RAB3B: variants seen among roughly 807,000 people sequenced by gnomAD.
The protein encoded by RAB3B is RAB3B, member RAS oncogene family.
Under a neutral mutation model 20.5 loss-of-function variants are expected in RAB3B, and 11 were observed. The observed-to-expected ratio is 0.54, with a 90% CI of 0.34 to 0.89. The LOEUF (loss-of-function observed/expected upper bound fraction) is 0.89. Among genes scored for constraint, RAB3B ranks in the 40% least tolerant of loss-of-function variants. The pLI is 0.02. For synonymous variants in RAB3B, 99 were observed against 106.3 expected (o/e 0.93, Z 0.42); for missense variants, 225 against 280.9 (o/e 0.80, Z 1.42).
intron 4 of RAB3B, among the ~76,000 whole-genome samples, chr1:51,932,024 T>C (rs1684333875): frequency 6.6e-6 from 1 of 152,032 alleles, no homozygotes; most frequent in African/African-American, 2.4e-5. Context: ...AGAACCTCTG[T>C]GATAGTGTAG....
At chr1:51,957,787 G>A (rs1369921080) in intron 2 of RAB3B, among the ~76,000 whole-genome samples, 1 of 152,196 alleles carries the variant, frequency 6.6e-6, no homozygotes, top group Non-Finnish European at 1.5e-5. Context: ...GCCCAAGAAA[G>A]CAGGGCTAGG....
intron 3 of RAB3B, among the ~76,000 whole-genome samples, chr1:51,937,091 G>C (rs1684414863): frequency 6.6e-6 from 1 of 152,138 alleles, no homozygotes; most frequent in South Asian, 2.1e-4. Flanking sequence ...TGGGATTACA[G>C]GCGTGAGCCA....
rs1004912751 is a variant in RAB3B, at chr1:51,908,669, G to T, written c.*11258C>A. 1.3e-5 allele frequency: 2 copies of T among 152,024 alleles called. No homozygotes were observed. The highest frequency in any genetic ancestry group is 2.9e-5 in the Non-Finnish European group (2 of 68,050). 9.4% of individuals were successfully genotyped at this position (152,024 alleles called of 1,614,324 possible). A position where few individuals can be genotyped will look rare whatever the true frequency, so the allele number is the denominator to read the frequency against. On this transcript the variant is annotated 3_prime_UTR_variant, in exon 5 of 5. Transcript: ENST00000371655. ...AGATGTTTAGGTTTTCTCTTCAGCA[G>T]GCTTCCTCTTGTTCCCCTCTATCAC...
chr1:51,976,882 G>C lies in RAB3B; in HGVS notation c.228+8C>G, dbSNP rs368103204. 4.9e-4 allele frequency: 793 copies of C among 1,611,918 alleles called. 3 individuals carry two copies. Among genetic ancestry groups the C allele is most frequent in the Middle Eastern group, 1.6e-3 (10 of 6,062 alleles). ...AGGAAAATCCTGCCCAAGATTCCCG[G>C]GACTCACCCAGATCTGCAGTTTCAC... On this transcript the variant is annotated splice_region_variant and intron_variant, in intron 2 of 4. Transcript: ENST00000371655.
At chr1:51,947,570 C>T (rs950853473) in intron 2 of RAB3B, among the ~76,000 whole-genome samples, 3 of 152,088 alleles carry the variant, frequency 2.0e-5, no homozygotes, top group Non-Finnish European at 4.4e-5. Context: ...CAACAATCTC[C>T]CCTCCACCAG....
rs1036560613 is a variant in RAB3B, at chr1:51,913,201, T to C, written c.*6726A>G. 1 of 152,202 alleles carries C rather than the reference T, an allele frequency of 6.6e-6. No homozygotes were observed. Among genetic ancestry groups the C allele is most frequent in the Non-Finnish European group, 1.5e-5 (1 of 68,042 alleles). 9.4% of individuals were successfully genotyped at this position (152,202 alleles called of 1,614,324 possible). On this transcript the variant is annotated 3_prime_UTR_variant, in exon 5 of 5. Transcript: ENST00000371655. ...ATAGCTAAGAGGTATCCAAATGGAC[T>C]GTTTAACAAGCATCAAAACTTCTTC...
chr1:51,920,780 A>C (rs545663243), intron 4 of RAB3B, among the ~76,000 whole-genome samples: 96 of 152,192 alleles, frequency 6.3e-4, no homozygotes, highest in Non-Finnish European at 1.3e-3. Context: ...TAGGCTGGCC[A>C]GCTCTAGTCT....
intron 2 of RAB3B, among the ~76,000 whole-genome samples, chr1:51,959,284 C>T (rs1684753955): frequency 1.3e-5 from 2 of 152,062 alleles, no homozygotes; most frequent in Admixed American, 1.3e-4. Context: ...CTTTAGGAGG[C>T]CTCGGCAGGA....
chr1:51,982,524 A>C (rs1685100888), intron 1 of RAB3B, among the ~76,000 whole-genome samples: 1 of 152,078 alleles, frequency 6.6e-6, no homozygotes, highest in African/African-American at 2.4e-5. Flanking sequence ...AGGCCGAGGC[A>C]GGCAGATCAC....
intron 2 of RAB3B, among the ~76,000 whole-genome samples, chr1:51,959,657 A>G (rs1684760176): frequency 6.6e-6 from 1 of 152,204 alleles, no homozygotes; most frequent in Non-Finnish European, 1.5e-5. Flanking sequence ...AATTCAGATC[A>G]GTTGTGTTCT....
At chr1:51,942,482 C>G (rs1204679723) in intron 2 of RAB3B, among the ~76,000 whole-genome samples, 1 of 152,184 alleles carries the variant, frequency 6.6e-6, no homozygotes, top group Non-Finnish European at 1.5e-5. Flanking sequence ...GCCATATAGT[C>G]TTGAGGTTAA....
intron 2 of RAB3B, among the ~76,000 whole-genome samples, chr1:51,951,268 T>C (rs1001531977): frequency 2.6e-5 from 4 of 152,118 alleles, no homozygotes; most frequent in African/African-American, 7.2e-5. Context: ...ATGAGCATAG[T>C]ACCCAATGGG....
intron 2 of RAB3B, among the ~76,000 whole-genome samples, chr1:51,948,326 AT>A (rs1324153057): frequency 6.6e-6 from 1 of 152,218 alleles, no homozygotes; most frequent in African/African-American, 2.4e-5. Context: ...GGCCTTGACT[AT>A]TAGCAGAACA....
chr1:51,967,521 C>CTTTTTCTT (rs1684870854), intron 2 of RAB3B, among the ~76,000 whole-genome samples: 2 of 36,496 alleles, frequency 5.5e-5, no homozygotes, highest in African/African-American at 6.8e-5. Context: ...TTTTCTTTTT[C>CTTTTTCTT]TTTTTTTTTT....
chr1:51,968,043 T>C (rs1016324450), intron 2 of RAB3B, among the ~76,000 whole-genome samples: 5 of 152,116 alleles, frequency 3.3e-5, no homozygotes, highest in African/African-American at 1.2e-4. Flanking sequence ...TCAGAGAGGT[T>C]GGAAGATGTT....
rs1005447228 is a variant in RAB3B at position 51,916,274 on chromosome 1, A to G, written c.*3653T>C. The G allele has an allele frequency of 6.6e-6, 1 of 152,206 alleles. No individual in the cohort carries two copies. The highest frequency in any genetic ancestry group is 1.9e-4 in the East Asian group (1 of 5,196). 9.4% of individuals were successfully genotyped at this position (152,206 alleles called of 1,614,324 possible). A position where few individuals can be genotyped will look rare whatever the true frequency, so the allele number is the denominator to read the frequency against. The stretch of plus-strand genomic sequence containing the variant: ...ACTATAACATTTAACTCTTGATTCC[A>G]TCTATTGTGAAGATGCTTGTTCCCT... On this transcript the variant is annotated 3_prime_UTR_variant, in exon 5 of 5. Coordinates refer to ENST00000371655, the MANE Select transcript of RAB3B (RefSeq NM_002867.4).
chr1:51,932,299 T>C (rs1416250730), intron 4 of RAB3B, among the ~76,000 whole-genome samples: 1 of 152,212 alleles, frequency 6.6e-6, no homozygotes, highest in Non-Finnish European at 1.5e-5. Flanking sequence ...ATGTGAGATA[T>C]ACTTAGGGAG....
intron 1 of RAB3B, 70 bp from the exon 2 acceptor site, chr1:51,977,187 G>T: frequency 1.7e-6 from 2 of 1,165,590 alleles, no homozygotes; most frequent in Non-Finnish European, 2.5e-6. Context: ...TCCTTCTAAT[G>T]GTCACCCCAC....
chr1:51,954,948 C>T (rs1374476004), intron 2 of RAB3B, among the ~76,000 whole-genome samples: 1 of 152,154 alleles, frequency 6.6e-6, no homozygotes, highest in African/African-American at 2.4e-5. Context: ...GCTTGGATGT[C>T]GTCCTGACGA....
Sources: gnomAD v4.1 joint callset for allele counts (sites outside exome capture counted in the v4.1 genomes callset) on GRCh38, gnomAD v4.1.1 for gene constraint, MANE v1.5 for transcripts, NCBI Gene and HGNC (gene_info 2026-07-23, HGNC 2026-07-21) for gene names.